AKAP9: variants seen among roughly 807,000 people sequenced by gnomAD.
AKAP9 encodes the protein A-kinase anchor protein 9.
Under a neutral mutation model 488.5 loss-of-function variants are expected in AKAP9, and 311 were observed. The observed-to-expected ratio is 0.64, with a 90% CI of 0.58 to 0.70. The LOEUF is 0.70. AKAP9 is among the 30% of genes least tolerant of loss of function. AKAP9 has a pLI of 0.00. For missense variants in AKAP9, 4,215 were observed against 4,374.5 expected (o/e 0.96, Z 1.03); for synonymous variants, 1,462 against 1,483.5 (o/e 0.99, Z 0.33).
intron 39 of AKAP9, 134 bp from the exon 40 acceptor site, chr7:92,094,889 C>G (rs1486711919): frequency 8.2e-6 from 6 of 727,436 alleles, no homozygotes; most frequent in Non-Finnish European, 1.2e-5. Context: ...AGTCAAGAAT[C>G]TTTAATAGTT....
chr7:92,015,749 G>A (rs535377540), intron 10 of AKAP9, among the ~76,000 whole-genome samples: 2 of 152,082 alleles, frequency 1.3e-5, no homozygotes, highest in Non-Finnish European at 2.9e-5. Flanking sequence ...TTTCTGATCA[G>A]CATTTCTGAA....
Position 92,086,311 on chromosome 7 carries a change from A to G in AKAP9, c.9108A>G (p.Glu3036=), listed in dbSNP as rs1199129544. 1.2e-6 allele frequency: 2 copies of G among 1,614,032 alleles called. No homozygotes were observed. Among genetic ancestry groups the G allele is most frequent in the Non-Finnish European group, 1.7e-6 (2 of 1,180,016 alleles). Residue 3036 remains glutamate (E), a synonymous_variant, in exon 37 of 50, where the codon GAA becomes GAG. Transcript: ENST00000356239. The part of the protein sequence containing the change: ...LLLALQQVFL[E]ERSVLLAAFR... The stretch of plus-strand genomic sequence containing the variant: ...TTGCCCTTCAACAAGTTTTCTTAGA[A>G]GAGCGTAGTGTTTTACTAGCAGCAT...
Position 92,022,845 on chromosome 7 carries a change from G to T in AKAP9, c.3984G>T (p.Leu1328=), listed in dbSNP as rs770733159. ...ATCATAAAAGCAAGTTATCTTCTCT[G>T]CAAGATCTTGAAAAAACTAAACTTG... ...DVNHKSKLSS[L]QDLEKTKLEE... The change falls in exon 14 of 50, where the codon CTG becomes CTT. Residue 1328 remains leucine (L), a synonymous_variant. Coordinates refer to ENST00000356239, the MANE Select transcript of AKAP9 (RefSeq NM_005751.5). 9 of 1,594,386 alleles carry T rather than the reference G, an allele frequency of 5.6e-6. No homozygotes were observed. The highest frequency in any genetic ancestry group is 7.7e-6 in the Non-Finnish European group (9 of 1,169,548).
At chr7:92,033,782 A>G (rs997135417) in intron 16 of AKAP9, among the ~76,000 whole-genome samples, 7 of 152,192 alleles carry the variant, frequency 4.6e-5, no homozygotes, top group Admixed American at 4.6e-4. Context: ...GAAGAAGCCC[A>G]ATAGTAGTGA....
At chr7:91,987,506 G>A (rs1797253111) in intron 3 of AKAP9, among the ~76,000 whole-genome samples, 1 of 151,966 alleles carries the variant, frequency 6.6e-6, no homozygotes, top group Admixed American at 6.6e-5. Context: ...GTAATATTTT[G>A]TGTGTTATGT....
intron 44 of AKAP9, 63 bp downstream of exon 44, chr7:92,099,932 T>A: frequency 6.5e-7 from 1 of 1,529,386 alleles, no homozygotes; most frequent in Non-Finnish European, 9.0e-7. Flanking sequence ...TTCTGCTGTC[T>A]AGTTCAAGTT....
chr7:92,100,295 G>T (rs1425496228), intron 44 of AKAP9, among the ~76,000 whole-genome samples: 4 of 152,110 alleles, frequency 2.6e-5, no homozygotes, highest in Admixed American at 6.5e-5. Flanking sequence ...CAATTAAAAG[G>T]TTCTGTTAAA....
chr7:91,998,360 A>G (rs1798674306), intron 7 of AKAP9, among the ~76,000 whole-genome samples: 1 of 140,662 alleles, frequency 7.1e-6, no homozygotes, highest in African/African-American at 2.6e-5. Context: ...GCCGTAGCAT[A>G]GTATTTCCCC....
chr7:92,015,650 C>T (rs1206958109), intron 10 of AKAP9, among the ~76,000 whole-genome samples: 1 of 152,172 alleles, frequency 6.6e-6, no homozygotes, highest in Non-Finnish European at 1.5e-5. Context: ...AGGCATGAGC[C>T]ACCACGCCTG....
chr7:92,027,373 T>A (rs1234349144), intron 14 of AKAP9, among the ~76,000 whole-genome samples: 2 of 135,502 alleles, frequency 1.5e-5, no homozygotes, highest in Non-Finnish European at 3.1e-5. Flanking sequence ...GTCTGGGATG[T>A]GAGGAGCGCC....
At chr7:91,956,257 G>A (rs1292375174) in intron 1 of AKAP9, among the ~76,000 whole-genome samples, 2 of 151,798 alleles carry the variant, frequency 1.3e-5, no homozygotes, top group East Asian at 2.0e-4. Context: ...AAAGTTAGCC[G>A]GGTGTGGTGG....
intron 18 of AKAP9, 54 bp downstream of exon 18, chr7:92,040,952 C>A: frequency 2.8e-6 from 4 of 1,407,006 alleles, no homozygotes; most frequent in South Asian, 1.2e-5. Context: ...TTCCAAACAC[C>A]AACTTGAACC....
Position 92,110,257 on chromosome 7 carries a change from C to A in AKAP9, c.*98C>A. On this transcript the variant is annotated 3_prime_UTR_variant, in exon 50 of 50. Coordinates refer to ENST00000356239, the MANE Select transcript of AKAP9 (RefSeq NM_005751.5). Reference sequence around the variant, plus strand: ...TTTGTATTGTGAATATTCAATGGGACCAATATGAACACAGCTTATGATTGT... The same window carrying A: ...TTTGTATTGTGAATATTCAATGGGAACAATATGAACACAGCTTATGATTGT... The A allele has an allele frequency of 1.1e-6, 1 of 934,944 alleles. No homozygotes were observed. The highest frequency in any genetic ancestry group is 1.7e-6 in the Non-Finnish European group (1 of 589,522). The allele number at this position is 934,944 out of a possible 1,614,324, so 57.9% of individuals were successfully genotyped here.
At chr7:92,027,901 GT>G (rs1302082266) in intron 14 of AKAP9, among the ~76,000 whole-genome samples, 22 of 152,308 alleles carry the variant, frequency 1.4e-4, no homozygotes, top group South Asian at 6.2e-4. Context: ...TACTGTGTCT[GT>G]GTAGAAAGAA....
chr7:91,995,116 A>G lies in AKAP9; in HGVS notation c.732+340A>G, dbSNP rs573226862. The stretch of plus-strand genomic sequence containing the variant: ...TTATTTTAGTTAGGTTCTAAATGAT[A>G]ACAAAACTAAATATATTCCATTTTC... On this transcript the variant is annotated intron_variant, in intron 6 of 49. Transcript: ENST00000356239. 5.3e-5 allele frequency among the ~76,000 whole-genome samples: 8 copies of G among 152,364 alleles called. No individual in the cohort carries two copies. The East Asian group carries it at 1.5e-3, about 29-fold the overall frequency.
At chr7:92,076,051 AT>A (rs2130854343) in intron 28 of AKAP9, among the ~76,000 whole-genome samples, 1 of 152,312 alleles carries the variant, frequency 6.6e-6, no homozygotes, top group East Asian at 1.9e-4. Context: ...GTAAATACAC[AT>A]TTGGAAATCA....
At chr7:91,969,711 A>T (rs780563947) in intron 1 of AKAP9, among the ~76,000 whole-genome samples, 1 of 152,110 alleles carries the variant, frequency 6.6e-6, no homozygotes, top group Non-Finnish European at 1.5e-5. Flanking sequence ...TTTATCTGAT[A>T]CAAGTATAGC....
At chr7:92,109,574 C>T (rs1819043051) in intron 49 of AKAP9, among the ~76,000 whole-genome samples, 1 of 152,166 alleles carries the variant, frequency 6.6e-6, no homozygotes, top group South Asian at 2.1e-4. Context: ...AAATATTAGT[C>T]TCACCTACCT....
intron 10 of AKAP9, among the ~76,000 whole-genome samples, chr7:92,014,811 A>C (rs1466307758): frequency 6.6e-6 from 1 of 152,120 alleles, no homozygotes; most frequent in East Asian, 1.9e-4. Flanking sequence ...TTTTCCTGAT[A>C]ATCGGTTTGA....
Sources: gnomAD v4.1 joint callset for allele counts (sites outside exome capture counted in the v4.1 genomes callset) on GRCh38, gnomAD v4.1.1 for gene constraint, MANE v1.5 for transcripts, NCBI Gene and HGNC (gene_info 2026-07-23, HGNC 2026-07-21) for gene names.